The following RBMS3 variants were observed in gnomAD, a reference collection of about 807,000 sequenced individuals.
RBMS3 encodes the protein RNA-binding motif, single-stranded-interacting protein 3.
Under a neutral mutation model 66.8 loss-of-function variants are expected in RBMS3, and 27 were observed. The observed-to-expected ratio is 0.40, with a 90% confidence interval of 0.30 to 0.56. The LOEUF is 0.56. Ranked by LOEUF, RBMS3 falls within the 20% of genes least tolerant of loss-of-function variation. The probability of loss-of-function intolerance (pLI) is 0.40; values close to 1 mark genes in which losing one functional copy is unlikely to be tolerated. For synonymous variants in RBMS3, 188 were observed against 183.0 expected (o/e 1.03, Z -0.22); for missense variants, 513 against 549.5 (o/e 0.93, Z 0.66).
intron 8 of RBMS3, among the ~76,000 whole-genome samples, chr3:29,889,222 A>G (rs906322700): frequency 6.6e-6 from 1 of 151,514 alleles, no homozygotes; most frequent in East Asian, 1.9e-4. Flanking sequence ...GAGTTCCCAT[A>G]TGGTAAAACT....
At chr3:29,417,321 C>A (rs902503386) in intron 1 of RBMS3, among the ~76,000 whole-genome samples, 6 of 151,786 alleles carry the variant, frequency 4.0e-5, no homozygotes, top group African/African-American at 1.2e-4. Context: ...ACAACAAGAC[C>A]TGAGTTTGTC....
intron 11 of RBMS3, among the ~76,000 whole-genome samples, chr3:29,938,723 A>G (rs1040522933): frequency 6.6e-6 from 1 of 151,868 alleles, no homozygotes; most frequent in East Asian, 1.9e-4. Context: ...TCTTTCCAAC[A>G]TTTTCATTGA....
chr3:29,453,665 GCTTATAGAC>G, intron 2 of RBMS3, among the ~76,000 whole-genome samples: 1 of 152,320 alleles, frequency 6.6e-6, no homozygotes, highest in South Asian at 2.1e-4. Context: ...GAATTAGGAT[GCTTATAGAC>G]CACGTAAAGT....
intron 1 of RBMS3, among the ~76,000 whole-genome samples, chr3:29,374,447 T>A (rs1314057071): frequency 6.6e-6 from 1 of 152,238 alleles, no homozygotes; most frequent in East Asian, 1.9e-4. Context: ...TAGTGATGGC[T>A]TGAAAGCAAT....
intron 9 of RBMS3, among the ~76,000 whole-genome samples, chr3:29,898,606 G>T (rs1322710821): frequency 6.6e-6 from 1 of 151,648 alleles, no homozygotes; most frequent in Non-Finnish European, 1.5e-5. Flanking sequence ...AAATGGAATA[G>T]ATTTTCATTT....
intron 4 of RBMS3, among the ~76,000 whole-genome samples, chr3:29,684,815 C>T (rs891636098): frequency 6.7e-6 from 1 of 149,564 alleles, no homozygotes; most frequent in Admixed American, 6.7e-5. Flanking sequence ...CACACACACA[C>T]AGACACATAC....
intron 10 of RBMS3, among the ~76,000 whole-genome samples, chr3:29,932,017 T>G (rs1348648619): frequency 6.6e-6 from 1 of 152,154 alleles, no homozygotes; most frequent in East Asian, 1.9e-4. Context: ...TTTTTTTAAT[T>G]TTCACTTATC....
intron 4 of RBMS3, among the ~76,000 whole-genome samples, chr3:29,737,480 CT>C (rs1407862262): frequency 6.6e-6 from 1 of 152,118 alleles, no homozygotes; most frequent in African/African-American, 2.4e-5. Context: ...AATTTTAGCC[CT>C]GTCACTAATT....
chr3:29,374,777 T>G (rs1333669064), intron 1 of RBMS3, among the ~76,000 whole-genome samples: 1 of 152,244 alleles, frequency 6.6e-6, no homozygotes, highest in East Asian at 1.9e-4. Flanking sequence ...AATTACAGTA[T>G]ACAGAAAAGG....
chr3:29,343,043 T>G (rs2036367759), intron 1 of RBMS3, among the ~76,000 whole-genome samples: 1 of 152,134 alleles, frequency 6.6e-6, no homozygotes, highest in Admixed American at 6.6e-5. Context: ...TGCTATTCAG[T>G]AGGATACTTT....
chr3:29,752,679 G>A (rs2055235282), intron 5 of RBMS3, among the ~76,000 whole-genome samples: 1 of 152,028 alleles, frequency 6.6e-6, no homozygotes, highest in African/African-American at 2.4e-5. Flanking sequence ...GCTTTATAAG[G>A]TTCTCCATTT....
At chr3:29,325,195 T>C (rs988815762) in intron 1 of RBMS3, among the ~76,000 whole-genome samples, 4 of 152,120 alleles carry the variant, frequency 2.6e-5, no homozygotes, top group Non-Finnish European at 5.9e-5. Context: ...AAAAAAGACA[T>C]AGTGCAGAAC....
At chr3:29,849,949 G>A (rs903121323) in intron 6 of RBMS3, among the ~76,000 whole-genome samples, 6 of 152,162 alleles carry the variant, frequency 3.9e-5, no homozygotes, top group African/African-American at 1.4e-4. Context: ...AATATTTGCA[G>A]CCTTATTTCT....
At chr3:29,392,407 T>C (rs964814509) in intron 1 of RBMS3, among the ~76,000 whole-genome samples, 1 of 152,234 alleles carries the variant, frequency 6.6e-6, no homozygotes, top group African/African-American at 2.4e-5. Context: ...CTGGAAAATA[T>C]CACTCATGAG....
intron 1 of RBMS3, among the ~76,000 whole-genome samples, chr3:29,433,010 C>A (rs1347771329): frequency 6.6e-6 from 1 of 152,064 alleles, no homozygotes; most frequent in African/African-American, 2.4e-5. Flanking sequence ...ATTTCCAGGA[C>A]ATCTCATTAT....
intron 4 of RBMS3, among the ~76,000 whole-genome samples, chr3:29,681,593 G>T (rs547259254): frequency 1.3e-5 from 2 of 151,060 alleles, no homozygotes; most frequent in Non-Finnish European, 2.9e-5. Flanking sequence ...TTGTAAGTGA[G>T]AACACACAGT....
At chr3:29,738,060 A>G (rs2054460630) in intron 4 of RBMS3, among the ~76,000 whole-genome samples, 2 of 152,170 alleles carry the variant, frequency 1.3e-5, no homozygotes, top group South Asian at 4.1e-4. Flanking sequence ...CTAATAATAC[A>G]TCATATTCAC....
chr3:29,440,523 C>A (rs553599281), intron 2 of RBMS3, among the ~76,000 whole-genome samples: 2 of 152,160 alleles, frequency 1.3e-5, no homozygotes, highest in Non-Finnish European at 2.9e-5. Context: ...TGCCCCCACA[C>A]TTTTCTCCGT....
chr3:29,806,876 T>C (rs2057566551), intron 6 of RBMS3, among the ~76,000 whole-genome samples: 1 of 151,914 alleles, frequency 6.6e-6, no homozygotes, highest in African/African-American at 2.4e-5. Flanking sequence ...CAATTAACTA[T>C]TTGCAGTTGC....
Sources: gnomAD v4.1 joint callset for allele counts (sites outside exome capture counted in the v4.1 genomes callset) on GRCh38, gnomAD v4.1.1 for gene constraint, MANE v1.5 for transcripts, NCBI Gene and HGNC (gene_info 2026-07-23, HGNC 2026-07-21) for gene names.